TMPRSS11D: variants seen among roughly 807,000 people sequenced by gnomAD.
TMPRSS11D encodes the protein transmembrane protease serine 11D.
In TMPRSS11D, 32 loss-of-function variants were observed where a neutral mutation model predicts 44.4. That is an observed-to-expected ratio of 0.72 (90% CI 0.54 to 0.97). TMPRSS11D has a LOEUF of 0.97. Ranked by LOEUF, TMPRSS11D falls within the 50% of genes least tolerant of loss-of-function variation. The probability of loss-of-function intolerance (pLI) is 0.00; values close to 1 mark genes in which losing one functional copy is unlikely to be tolerated. For synonymous variants in TMPRSS11D, 179 were observed against 177.9 expected, an observed-to-expected ratio of 1.01 and a Z score of -0.05; for missense variants, 446 against 502.6, an observed-to-expected ratio of 0.89 and a Z score of 1.08.
chr4:67,871,107 C>G (rs1719052467), intron 1 of TMPRSS11D, among the ~76,000 whole-genome samples: 1 of 151,952 alleles, frequency 6.6e-6, no homozygotes, highest in Admixed American at 6.6e-5. Context: ...TGGCTAGGAG[C>G]AGGAATTGAT....
chr4:67,860,439 G>A (rs1718768735), intron 1 of TMPRSS11D: 1 of 152,046 alleles, frequency 6.6e-6, no homozygotes, highest in East Asian at 1.9e-4. Context: ...TTCTTTATCT[G>A]AAAAATAGGA....
At chr4:67,841,353 G>C (rs945812500) in intron 4 of TMPRSS11D, among the ~76,000 whole-genome samples, 7 of 152,140 alleles carry the variant, frequency 4.6e-5, no homozygotes, top group Admixed American at 1.3e-4. Flanking sequence ...AGAAGGAATA[G>C]CTAGGGAGGT....
chr4:67,843,605 G>A (rs1443250249), intron 3 of TMPRSS11D, among the ~76,000 whole-genome samples: 1 of 152,102 alleles, frequency 6.6e-6, no homozygotes, highest in Non-Finnish European at 1.5e-5. Context: ...GGGACTATAA[G>A]TGTGTACCAC....
At chr4:67,862,756 A>G (rs867709035) in intron 1 of TMPRSS11D, among the ~76,000 whole-genome samples, 20 of 152,264 alleles carry the variant, frequency 1.3e-4, no homozygotes, top group Middle Eastern at 6.8e-3. Flanking sequence ...TGTCCTTTGT[A>G]GGGACATAGA....
intron 4 of TMPRSS11D, among the ~76,000 whole-genome samples, chr4:67,841,478 G>A (rs971222385): frequency 1.3e-5 from 2 of 152,128 alleles, no homozygotes; most frequent in Non-Finnish European, 2.9e-5. Context: ...GGACTGATGT[G>A]GTTTCTTTGG....
chr4:67,852,272 G>T (rs556188412), intron 3 of TMPRSS11D, among the ~76,000 whole-genome samples: 7 of 152,094 alleles, frequency 4.6e-5, no homozygotes, highest in African/African-American at 1.7e-4. Context: ...CCGTCCTGCC[G>T]GTTTCCATAG....
intron 3 of TMPRSS11D, among the ~76,000 whole-genome samples, chr4:67,853,603 TTTG>T (rs1358450634): frequency 6.6e-6 from 1 of 152,206 alleles, no homozygotes; most frequent in Non-Finnish European, 1.5e-5. Flanking sequence ...TCAAACTTGC[TTTG>T]CATATTTCTG....
intron 1 of TMPRSS11D, among the ~76,000 whole-genome samples, chr4:67,862,693 G>A (rs1271078275): frequency 1.3e-5 from 2 of 152,092 alleles, no homozygotes; most frequent in African/African-American, 4.8e-5. Context: ...TTAAGAAAAT[G>A]TGGCACATAT....
chr4:67,846,091 C>A (rs892114564), intron 3 of TMPRSS11D, among the ~76,000 whole-genome samples: 1 of 152,068 alleles, frequency 6.6e-6, no homozygotes, highest in African/African-American at 2.4e-5. Flanking sequence ...TCTTCTGTTA[C>A]AACTTTCTCT....
At chr4:67,844,109 G>C (rs531657580) in intron 3 of TMPRSS11D, among the ~76,000 whole-genome samples, 3 of 152,272 alleles carry the variant, frequency 2.0e-5, no homozygotes, top group Admixed American at 1.3e-4. Context: ...GTTTCATTGA[G>C]AAGAATGGAT....
At chr4:67,850,321 C>A (rs1718470477) in intron 3 of TMPRSS11D, among the ~76,000 whole-genome samples, 1 of 152,160 alleles carries the variant, frequency 6.6e-6, no homozygotes, top group Non-Finnish European at 1.5e-5. Context: ...ACCAGATCTG[C>A]TGGTGCATTA....
intron 1 of TMPRSS11D, among the ~76,000 whole-genome samples, chr4:67,883,353 A>G (rs1560553331): frequency 6.6e-6 from 1 of 152,094 alleles, no homozygotes; most frequent in Non-Finnish European, 1.5e-5. Context: ...AAAGTATAGG[A>G]AAATACTTAT....
rs189220414 is a variant in TMPRSS11D at position 67,881,227 on chromosome 4, G to A, written c.8+2699C>T. Among the ~76,000 whole-genome samples the A allele has an allele frequency of 2.8e-3, 433 of 152,300 alleles. 4 individuals carry two copies. Among genetic ancestry groups the A allele is most frequent in the African/African-American group, 9.9e-3 (413 of 41,556 alleles). On this transcript the variant is annotated intron_variant, in intron 1 of 9. Coordinates refer to ENST00000283916, the MANE Select transcript of TMPRSS11D (RefSeq NM_004262.3). ...CTTCCTTATGACTTATTTTAGGGGT[G>A]CCAGTCATAGCAATTTGGGAGTTGC...
At chr4:67,843,637 T>C (rs1718287488) in intron 3 of TMPRSS11D, among the ~76,000 whole-genome samples, 1 of 152,152 alleles carries the variant, frequency 6.6e-6, no homozygotes, top group Admixed American at 6.5e-5. Context: ...CAGTTAATAA[T>C]TTATGGCCGG....
chr4:67,828,353 C>T (rs1717859455), intron 7 of TMPRSS11D, among the ~76,000 whole-genome samples: 1 of 152,062 alleles, frequency 6.6e-6, no homozygotes, highest in Non-Finnish European at 1.5e-5. Flanking sequence ...ATGGGGACAG[C>T]ATCTCCCCCA....
intron 5 of TMPRSS11D, 44 bp downstream of exon 5, chr4:67,838,128 A>G: frequency 7.1e-7 from 1 of 1,414,132 alleles, no homozygotes; most frequent in Non-Finnish European, 9.4e-7. Flanking sequence ...GGTAAACTTG[A>G]GGGATATATT....
intron 1 of TMPRSS11D, among the ~76,000 whole-genome samples, chr4:67,868,260 C>T (rs144115524): frequency 4.3e-4 from 66 of 151,998 alleles, no homozygotes; most frequent in African/African-American, 1.3e-3. Context: ...ATAATGTGCA[C>T]GCATGGACAG....
rs188728269 is a variant in TMPRSS11D at position 67,871,221 on chromosome 4, G to C, written c.9-11543C>G. On this transcript the variant is annotated intron_variant, in intron 1 of 9. Coordinates refer to ENST00000283916, the MANE Select transcript of TMPRSS11D (RefSeq NM_004262.3). The stretch of plus-strand genomic sequence containing the variant: ...AGCCTTTTCAGGGAAAGAATTTCTT[G>C]ACTGCAGAAGACTTATTTAAAGAAA... 7.9e-5 allele frequency among the ~76,000 whole-genome samples: 12 copies of C among 152,280 alleles called. No individual in the cohort carries two copies. The East Asian group carries it at 2.3e-3, about 29-fold the overall frequency.
chr4:67,853,222 T>G (rs1718550911), intron 3 of TMPRSS11D, among the ~76,000 whole-genome samples: 1 of 152,112 alleles, frequency 6.6e-6, no homozygotes, highest in African/African-American at 2.4e-5. Context: ...GTGTGTAAAT[T>G]AGATTAGAAG....
Sources: gnomAD v4.1 joint callset for allele counts (sites outside exome capture counted in the v4.1 genomes callset) on GRCh38, gnomAD v4.1.1 for gene constraint, MANE v1.5 for transcripts, NCBI Gene and HGNC (gene_info 2026-07-23, HGNC 2026-07-21) for gene names.